LRFN5: variants seen among roughly 807,000 people sequenced by gnomAD.
LRFN5 encodes leucine rich repeat and fibronectin type III domain containing 5.
LRFN5 carries 24 observed loss-of-function variants against 45.6 expected under a neutral mutation model. The ratio of observed to expected loss-of-function variants is 0.53; its 90% CI spans 0.38 to 0.74. The LOEUF (loss-of-function observed/expected upper bound fraction) is 0.74, where lower values mean the gene tolerates loss of function less well. Ranked by LOEUF, LRFN5 falls within the 30% of genes least tolerant of loss-of-function variation. The probability of loss-of-function intolerance (pLI) is 0.00; values close to 1 mark genes in which losing one functional copy is unlikely to be tolerated. For synonymous variants in LRFN5, 340 were observed against 313.8 expected, an observed-to-expected ratio of 1.08 and a Z score of -0.88; for missense variants, 776 against 861.5, an observed-to-expected ratio of 0.90 and a Z score of 1.24.
chr14:41,749,954 T>C (rs1210755936), intron 1 of LRFN5, among the ~76,000 whole-genome samples: 1 of 152,134 alleles, frequency 6.6e-6, no homozygotes. Context: ...ATATCAAAAA[T>C]GGTAACTTTT....
intron 2 of LRFN5, among the ~76,000 whole-genome samples, chr14:41,816,787 T>G (rs1052754413): frequency 4.6e-5 from 7 of 152,076 alleles, no homozygotes; most frequent in Admixed American, 1.3e-4. Flanking sequence ...TTTCTGAGCT[T>G]CCTGGATCTG....
At chr14:41,803,310 A>G (rs1387475675) in intron 2 of LRFN5, among the ~76,000 whole-genome samples, 1 of 152,154 alleles carries the variant, frequency 6.6e-6, no homozygotes, top group African/African-American at 2.4e-5. Context: ...TGGTTTTAAA[A>G]AGCTAATTCA....
intron 1 of LRFN5, among the ~76,000 whole-genome samples, chr14:41,714,660 C>T (rs1187348609): frequency 6.6e-6 from 1 of 152,098 alleles, no homozygotes; most frequent in Non-Finnish European, 1.5e-5. Context: ...AATCTCAGCA[C>T]TTTGGGAGGC....
chr14:41,718,739 A>G (rs1310158580), intron 1 of LRFN5, among the ~76,000 whole-genome samples: 1 of 152,166 alleles, frequency 6.6e-6, no homozygotes, highest in Non-Finnish European at 1.5e-5. Context: ...CGCTAAATCT[A>G]AGCTAAATCT....
intron 2 of LRFN5, among the ~76,000 whole-genome samples, chr14:41,808,349 TGAAG>T (rs58070386): frequency 0.016 from 709 of 43,384 alleles, 15 homozygotes; most frequent in African/African-American, 0.046. Flanking sequence ...AAGGGAGGGA[TGAAG>T]GAAGGAAGGA....
chr14:41,878,096 A>C (rs1890247725), intron 2 of LRFN5, among the ~76,000 whole-genome samples: 1 of 152,138 alleles, frequency 6.6e-6, no homozygotes, highest in Admixed American at 6.6e-5. Flanking sequence ...TAGCATTTAT[A>C]GTCTCTCTAG....
intron 1 of LRFN5, among the ~76,000 whole-genome samples, chr14:41,666,612 T>C: frequency 6.6e-6 from 1 of 152,196 alleles, no homozygotes; most frequent in Non-Finnish European, 1.5e-5. Flanking sequence ...TAATTTTCAA[T>C]GGATAAAACA....
chr14:41,731,556 C>T (rs2138794377), intron 1 of LRFN5, among the ~76,000 whole-genome samples: 1 of 152,170 alleles, frequency 6.6e-6, no homozygotes, highest in East Asian at 1.9e-4. Context: ...AGTTATTATG[C>T]AGTCTTGCAT....
In LRFN5 at chr14:41,840,508, A is replaced by G. The variant is rs1594455473; in HGVS notation, c.-20-46098A>G. Among the ~76,000 whole-genome samples, 5 of 152,204 alleles carry G rather than the reference A, an allele frequency of 3.3e-5. No individual in the cohort carries two copies. In the East Asian group the frequency reaches 7.7e-4, roughly 23 times the overall value. Reference sequence around the variant, plus strand: ...ATAATATGCACAAAACATCAAAATTACAGAAGTAGAATGTAAAATGTTTTA... The same window carrying G: ...ATAATATGCACAAAACATCAAAATTGCAGAAGTAGAATGTAAAATGTTTTA... On this transcript the variant is annotated intron_variant, in intron 2 of 5. Transcript: ENST00000298119.
chr14:41,675,490 GC>G (rs1183081046), intron 1 of LRFN5, among the ~76,000 whole-genome samples: 2 of 152,184 alleles, frequency 1.3e-5, no homozygotes, highest in African/African-American at 4.8e-5. Flanking sequence ...GCAATCGCAG[GC>G]ACTCGGCAGG....
intron 1 of LRFN5, among the ~76,000 whole-genome samples, chr14:41,716,457 C>G (rs929375657): frequency 6.6e-6 from 1 of 152,166 alleles, no homozygotes; most frequent in African/African-American, 2.4e-5. Flanking sequence ...TTAGAAATTT[C>G]TTCTGCCAGA....
At chr14:41,757,916 T>G (rs984188879) in intron 1 of LRFN5, among the ~76,000 whole-genome samples, 48 of 152,300 alleles carry the variant, frequency 3.2e-4, no homozygotes, top group African/African-American at 1.2e-3. Context: ...ATGTCATTTT[T>G]GGTACCCATA....
rs1272336331 is a variant in LRFN5, at chr14:41,880,014, G to T, written c.-20-6592G>T. 4.3e-5 allele frequency among the ~76,000 whole-genome samples: 6 copies of T among 140,032 alleles called. 1 individual carries two copies. The highest frequency in any genetic ancestry group is 1.6e-4 in the African/African-American group (6 of 37,214). The allele number at this position is 140,032 out of a possible 152,430, so 91.9% of individuals were successfully genotyped here. A position where few individuals can be genotyped will look rare whatever the true frequency, so the allele number is the denominator to read the frequency against. On this transcript the variant is annotated intron_variant, in intron 2 of 5. Transcript: ENST00000298119. The stretch of plus-strand genomic sequence containing the variant: ...CTAATGTCGGCTCACTGCAAGCTCT[G>T]CCTCCTGGGTTCGCGTCAGTCTCCT...
At chr14:41,648,491 G>A (rs1449997047) in intron 1 of LRFN5, among the ~76,000 whole-genome samples, 2 of 151,956 alleles carry the variant, frequency 1.3e-5, no homozygotes, top group Non-Finnish European at 1.5e-5. Context: ...ATAAAAATTG[G>A]CAGTTGCCAA....
intron 2 of LRFN5, among the ~76,000 whole-genome samples, chr14:41,790,774 T>TA (rs1555318770): frequency 6.6e-6 from 1 of 150,890 alleles, no homozygotes; most frequent in African/African-American, 2.4e-5. Context: ...AACCATGGTC[T>TA]TTATTCCAGA....
intron 2 of LRFN5, among the ~76,000 whole-genome samples, chr14:41,818,553 G>A (rs1888000261): frequency 2.0e-5 from 3 of 151,674 alleles, no homozygotes; most frequent in Admixed American, 1.3e-4. Flanking sequence ...CCCTTCAAGT[G>A]ATATATGCCA....
At chr14:41,641,351 T>C (rs1213978762) in intron 1 of LRFN5, among the ~76,000 whole-genome samples, 1 of 152,102 alleles carries the variant, frequency 6.6e-6, no homozygotes, top group Non-Finnish European at 1.5e-5. Flanking sequence ...AATTCATCTT[T>C]CTCTTTCACC....
At chr14:41,748,784 G>A (rs1337300619) in intron 1 of LRFN5, among the ~76,000 whole-genome samples, 1 of 152,004 alleles carries the variant, frequency 6.6e-6, no homozygotes, top group Non-Finnish European at 1.5e-5. Flanking sequence ...AATTTCATAT[G>A]TGACACATAA....
In LRFN5 at chr14:41,634,655, T is replaced by C. The variant is rs570023112; in HGVS notation, c.-197+26093T>C. On this transcript the variant is annotated intron_variant, in intron 1 of 5. Coordinates refer to ENST00000298119, the MANE Select transcript of LRFN5 (RefSeq NM_152447.5). ...AGGGCTTGGTTAACTATAATATATCTTGTAAACTGATTCTAAGACCTGTAT... is the reference window on the plus strand; with the variant it reads ...AGGGCTTGGTTAACTATAATATATCCTGTAAACTGATTCTAAGACCTGTAT... 3.3e-4 allele frequency among the ~76,000 whole-genome samples: 51 copies of C among 152,298 alleles called. No homozygotes were observed. The South Asian group carries it at 9.5e-3, about 28-fold the overall frequency.
Sources: allele counts gnomAD v4.1 joint callset (sites outside exome capture counted in the v4.1 genomes callset), GRCh38; gene constraint gnomAD v4.1.1; transcripts MANE v1.5; gene names NCBI Gene and HGNC (gene_info 2026-07-23, HGNC 2026-07-21).